The following PGM2L1 variants were observed in gnomAD, a reference collection of about 807,000 sequenced individuals.
PGM2L1 encodes glucose 1,6-bisphosphate synthase.
PGM2L1 carries 35 observed loss-of-function variants against 73.4 expected under a neutral mutation model. That is an observed-to-expected ratio of 0.48 (90% CI 0.36 to 0.63). PGM2L1 has a LOEUF of 0.63. PGM2L1 is among the 30% of genes least tolerant of loss of function. The probability of loss-of-function intolerance (pLI) is 0.00; values close to 1 mark genes in which losing one functional copy is unlikely to be tolerated. For missense variants in PGM2L1, 570 were observed against 742.0 expected (o/e 0.77, Z 2.69); for synonymous variants, 225 against 253.8 (o/e 0.89, Z 1.08).
intron 2 of PGM2L1, 60 bp downstream of exon 2, chr11:74,374,355 T>G: frequency 1.4e-6 from 2 of 1,399,370 alleles, no homozygotes; most frequent in Non-Finnish European, 1.9e-6. Context: ...CTGCTGGGAT[T>G]ACAGGCATGA....
At chr11:74,346,952 A>T in intron 7 of PGM2L1, 123 bp from the exon 8 acceptor site, 2 of 1,014,508 alleles carry the variant, frequency 2.0e-6, no homozygotes, top group Non-Finnish European at 3.0e-6. Flanking sequence ...AGCTACGTTT[A>T]AAACAAGAAG....
At chr11:74,341,890 G>T (rs955517284) in intron 12 of PGM2L1, among the ~76,000 whole-genome samples, 1 of 152,002 alleles carries the variant, frequency 6.6e-6, no homozygotes, top group African/African-American at 2.4e-5. Flanking sequence ...TGGAACCAAG[G>T]GTTCCTCCAC....
chr11:74,353,893 C>T (rs951265969), intron 5 of PGM2L1, among the ~76,000 whole-genome samples: 6 of 72,792 alleles, frequency 8.2e-5, no homozygotes, highest in African/African-American at 3.0e-4. Context: ...GGCTGAAAAC[C>T]CAGAATGTTT....
intron 5 of PGM2L1, among the ~76,000 whole-genome samples, chr11:74,361,045 C>T (rs1013507389): frequency 2.6e-5 from 4 of 152,206 alleles, no homozygotes; most frequent in African/African-American, 9.6e-5. Flanking sequence ...GCTTGGAAGA[C>T]AGTAGTGGTT....
chr11:74,359,347 G>A (rs926950609), intron 5 of PGM2L1, among the ~76,000 whole-genome samples: 4 of 151,224 alleles, frequency 2.6e-5, no homozygotes, highest in East Asian at 1.9e-4. Flanking sequence ...GTGTGATCAC[G>A]GCTCACTGCA....
chr11:74,376,496 A>AGTATATATGTGTGTATATATACAGTAT (rs1862855504), intron 1 of PGM2L1, among the ~76,000 whole-genome samples: 1 of 150,952 alleles, frequency 6.6e-6, no homozygotes, highest in Non-Finnish European at 1.5e-5. Context: ...ATGTGTATAT[A>AGTATATATGTGTGTATATATACAGTAT]GTATATATGT....
intron 6 of PGM2L1, among the ~76,000 whole-genome samples, chr11:74,347,968 C>T (rs929911636): frequency 6.6e-6 from 1 of 152,112 alleles, no homozygotes; most frequent in Non-Finnish European, 1.5e-5. Context: ...TTAATTAGTA[C>T]CTTCTCTTCT....
Position 74,351,511 on chromosome 11 carries a change from T to C in PGM2L1, c.621A>G (p.Glu207=). The C allele has an allele frequency of 6.2e-7, 1 of 1,613,698 alleles. No individual in the cohort carries two copies. Among genetic ancestry groups the C allele is most frequent in the Non-Finnish European group, 8.5e-7 (1 of 1,179,846 alleles). The part of the protein sequence containing the change: ...PHDKEILKCI[E]ECVEPWNGSW... ...AACCATTCCAGGGTTCCACACATTC[T>C]TCTATACATTTTAGAATTTCTTTAT... Residue 207 remains glutamate, a synonymous_variant, in exon 6 of 14, where the codon GAA becomes GAG. Coordinates refer to ENST00000298198, the MANE Select transcript of PGM2L1 (RefSeq NM_173582.6).
At chr11:74,336,886 G>A in intron 13 of PGM2L1, 132 bp from the exon 14 acceptor site, 1 of 592,310 alleles carries the variant, frequency 1.7e-6, no homozygotes, top group South Asian at 2.7e-5. Flanking sequence ...AATTCACTTG[G>A]TTAAAACAAA....
intron 5 of PGM2L1, among the ~76,000 whole-genome samples, chr11:74,363,213 C>G (rs1460161920): frequency 6.6e-6 from 1 of 152,096 alleles, no homozygotes; most frequent in Admixed American, 6.6e-5. Flanking sequence ...CACAACATAC[C>G]AGAATCTCTG....
intron 1 of PGM2L1, among the ~76,000 whole-genome samples, chr11:74,374,941 G>GGTTTCTCAC (rs1456052779): frequency 5.3e-5 from 8 of 152,120 alleles, no homozygotes; most frequent in African/African-American, 1.9e-4. Context: ...ATAGTTCACT[G>GGTTTCTCAC]TAACCTCAAA....
intron 1 of PGM2L1, among the ~76,000 whole-genome samples, chr11:74,391,019 G>A (rs1202486656): frequency 6.6e-6 from 1 of 152,112 alleles, no homozygotes. Context: ...AAGTTCTGGA[G>A]ATCTGTTTTT....
chr11:74,396,841 G>T (rs1863184438), intron 1 of PGM2L1, among the ~76,000 whole-genome samples: 1 of 152,216 alleles, frequency 6.6e-6, no homozygotes, highest in Non-Finnish European at 1.5e-5. Context: ...AGACTGTAGA[G>T]GAAGAATTAT....
chr11:74,377,350 G>A (rs1403997158), intron 1 of PGM2L1, among the ~76,000 whole-genome samples: 2 of 151,940 alleles, frequency 1.3e-5, no homozygotes, highest in African/African-American at 4.8e-5. Context: ...AGCCAGGATG[G>A]TCTCGATCTC....
chr11:74,387,511 C>T (rs1038696271), intron 1 of PGM2L1, among the ~76,000 whole-genome samples: 3 of 152,176 alleles, frequency 2.0e-5, no homozygotes, highest in Non-Finnish European at 2.9e-5. Flanking sequence ...TAGCACAATA[C>T]ATACGCTATA....
intron 4 of PGM2L1, among the ~76,000 whole-genome samples, chr11:74,369,273 C>T (rs1862713065): frequency 6.6e-6 from 1 of 152,168 alleles, no homozygotes; most frequent in Admixed American, 6.5e-5. Context: ...AATAGACCCA[C>T]ATGACAGTGT....
intron 1 of PGM2L1, among the ~76,000 whole-genome samples, chr11:74,383,820 A>ATATATATATATATATATATAT: frequency 5.9e-5 from 1 of 16,986 alleles, no homozygotes; most frequent in South Asian, 1.3e-3. Context: ...GAGATATATA[A>ATATATATATATATATATATAT]ATAAATATAT....
chr11:74,398,382 C>T lies in PGM2L1; in HGVS notation c.-221G>A, dbSNP rs1863216851. 3.3e-6 allele frequency: 2 copies of T among 604,828 alleles called. No individual in the cohort carries two copies. Among genetic ancestry groups the T allele is most frequent in the East Asian group, 3.6e-5 (1 of 27,514 alleles). The allele number at this position is 604,828 out of a possible 1,614,324, so 37.5% of individuals were successfully genotyped here. A position where few individuals can be genotyped will look rare whatever the true frequency, so the allele number is the denominator to read the frequency against. ...TCCCCAGCGGACCAGGTCCGGGTCT[C>T]TGGGCGAAGTGACTGAGGCGGTCGC... On this transcript the variant is annotated 5_prime_UTR_variant, in exon 1 of 14. Transcript: ENST00000298198.
At chr11:74,356,507 G>A (rs1017792309) in intron 5 of PGM2L1, among the ~76,000 whole-genome samples, 3 of 151,780 alleles carry the variant, frequency 2.0e-5, no homozygotes. Context: ...TCTTGAATAG[G>A]GAGACTCAAT....
Sources: gnomAD v4.1 joint callset for allele counts (sites outside exome capture counted in the v4.1 genomes callset) on GRCh38, gnomAD v4.1.1 for gene constraint, MANE v1.5 for transcripts, NCBI Gene and HGNC (gene_info 2026-07-23, HGNC 2026-07-21) for gene names.